The following SYT2 variants were observed in gnomAD, a reference collection of about 807,000 sequenced individuals.
SYT2 encodes synaptotagmin-2.
In SYT2, 15 loss-of-function variants were observed where a neutral mutation model predicts 39.9. That is an observed-to-expected ratio of 0.38 (90% CI 0.25 to 0.58). SYT2 has a LOEUF of 0.58. Among genes scored for constraint, SYT2 ranks in the 20% least tolerant of loss-of-function variants. SYT2 has a pLI of 0.70. For missense variants in SYT2, 389 were observed against 530.3 expected (o/e 0.73, Z 2.62); for synonymous variants, 181 against 204.5 (o/e 0.89, Z 0.98).
intron 3 of SYT2, chr1:202,604,219 G>A (rs1027887122): frequency 6.1e-6 from 3 of 492,062 alleles, no homozygotes; most frequent in Non-Finnish European, 1.1e-5. Context: ...TCAATATATT[G>A]TTCTCCTTCA....
intron 1 of SYT2, among the ~76,000 whole-genome samples, chr1:202,663,931 C>A (rs1427738508): frequency 6.6e-6 from 1 of 152,148 alleles, no homozygotes; most frequent in African/African-American, 2.4e-5. Flanking sequence ...GTTCCTCCCC[C>A]AGATGTAAGG....
At chr1:202,644,863 C>T (rs149203562) in intron 1 of SYT2, among the ~76,000 whole-genome samples, 1 of 150,016 alleles carries the variant, frequency 6.7e-6, no homozygotes, top group Non-Finnish European at 1.5e-5. Flanking sequence ...AGGACATAGA[C>T]CTCACTCCCG....
rs759879778 is a variant in SYT2, at chr1:202,596,977, G to A, written c.1054-14C>T. ...TACCTGGACTTTCTGCAAGGAAAAC[G>A]AGGGAGGGAGTTGGCAGACAGAGAC... On this transcript the variant is annotated splice_polypyrimidine_tract_variant and intron_variant, in intron 8 of 8. Coordinates refer to ENST00000367268, the MANE Select transcript of SYT2 (RefSeq NM_177402.5). The A allele has an allele frequency of 1.6e-5, 25 of 1,609,872 alleles. No individual in the cohort carries two copies. In the African/African-American group the frequency reaches 2.7e-4, roughly 17 times the overall value.
intron 1 of SYT2, among the ~76,000 whole-genome samples, chr1:202,695,337 G>C (rs1653946673): frequency 6.6e-6 from 1 of 152,112 alleles, no homozygotes; most frequent in African/African-American, 2.4e-5. Context: ...AACTGCCTCA[G>C]GGCCTCCTGA....
chr1:202,607,201 C>T (rs1334296320), intron 1 of SYT2, among the ~76,000 whole-genome samples: 2 of 152,160 alleles, frequency 1.3e-5, no homozygotes, highest in African/African-American at 4.8e-5. Context: ...CCCATGAGGG[C>T]AGATCCTGTG....
chr1:202,604,623 T>C lies in SYT2; in HGVS notation c.179-2A>G, dbSNP rs2149071078. 6.2e-7 allele frequency: 1 copy of C among 1,613,752 alleles called. No homozygotes were observed. The stretch of plus-strand genomic sequence containing the variant: ...TGGCGATCAGTGCCCAGGGTGGTAC[T>C]GCCCACACAGAGAAGATCCCAGGGT... On this transcript the variant is annotated splice_acceptor_variant, in intron 2 of 8. Coordinates refer to ENST00000367268, the MANE Select transcript of SYT2 (RefSeq NM_177402.5). LOFTEE classifies it high-confidence loss of function.
At chr1:202,637,850 C>T (rs745830671) in intron 1 of SYT2, among the ~76,000 whole-genome samples, 4 of 152,214 alleles carry the variant, frequency 2.6e-5, no homozygotes, top group East Asian at 1.9e-4. Flanking sequence ...TTGGTGGCTG[C>T]GGGACCAGGT....
intron 1 of SYT2, among the ~76,000 whole-genome samples, chr1:202,670,226 T>C (rs545174018): frequency 1.3e-5 from 2 of 152,158 alleles, no homozygotes; most frequent in Non-Finnish European, 2.9e-5. Flanking sequence ...TGACCCGGCC[T>C]CACAGGAGCA....
At chr1:202,678,558 T>C (rs565942909) in intron 1 of SYT2, among the ~76,000 whole-genome samples, 3 of 152,084 alleles carry the variant, frequency 2.0e-5, no homozygotes, top group Non-Finnish European at 4.4e-5. Flanking sequence ...TTAATGTTCA[T>C]GTCCCTCCCT....
chr1:202,683,620 G>A (rs1350738232), intron 1 of SYT2, among the ~76,000 whole-genome samples: 1 of 151,926 alleles, frequency 6.6e-6, no homozygotes, highest in East Asian at 1.9e-4. Context: ...GCATGCCTGT[G>A]GTCCCAGCTA....
At chr1:202,694,497 G>T (rs1159874007) in intron 1 of SYT2, among the ~76,000 whole-genome samples, 1 of 152,020 alleles carries the variant, frequency 6.6e-6, no homozygotes, top group Non-Finnish European at 1.5e-5. Flanking sequence ...ACGTGGTGAG[G>T]GACACCTGCC....
At chr1:202,640,660 G>T (rs1020139425) in intron 1 of SYT2, among the ~76,000 whole-genome samples, 1 of 151,786 alleles carries the variant, frequency 6.6e-6, no homozygotes, top group Non-Finnish European at 1.5e-5. Context: ...AGGAAAACTG[G>T]TGTGAGATTA....
intron 1 of SYT2, among the ~76,000 whole-genome samples, chr1:202,642,825 C>T (rs1355275752): frequency 6.6e-6 from 1 of 152,230 alleles, no homozygotes; most frequent in South Asian, 2.1e-4. Context: ...CCACTTCTCT[C>T]CGCACGCCCA....
chr1:202,601,867 C>T lies in SYT2; in HGVS notation c.801+23G>A, dbSNP rs369151737. 112 of 1,608,126 alleles carry T rather than the reference C, an allele frequency of 7.0e-5. 6 individuals are homozygous for T. The highest frequency in any genetic ancestry group is 4.2e-6 in the Non-Finnish European group (5 of 1,176,688). On this transcript the variant is annotated intron_variant, in intron 6 of 8. Transcript: ENST00000367268. This position sits in a 1 kb window ranked among gnomAD's most constrained non-coding sequence, Gnocchi z 4.0. ...CCTGTACATTCGTCTTTCTGCCCAA[C>T]CTGGCCTCATCTCTGCTCTTACCTC...
At chr1:202,687,440 G>A (rs557379721) in intron 1 of SYT2, among the ~76,000 whole-genome samples, 8 of 152,190 alleles carry the variant, frequency 5.3e-5, no homozygotes, top group South Asian at 2.1e-4. Context: ...TTGACTCCAC[G>A]GGGCCACTCT....
chr1:202,682,866 G>A (rs1355789850), intron 1 of SYT2, among the ~76,000 whole-genome samples: 1 of 152,170 alleles, frequency 6.6e-6, no homozygotes, highest in East Asian at 1.9e-4. Context: ...CCATGCCTGG[G>A]CCTTCAACAG....
In SYT2 at chr1:202,656,649, G is replaced by T. The variant is rs144411157; in HGVS notation, c.-17-50860C>A. Among the ~76,000 whole-genome samples, 372 of 152,344 alleles carry T rather than the reference G, an allele frequency of 2.4e-3. 3 individuals carry two copies. The highest frequency in any genetic ancestry group is 8.6e-3 in the African/African-American group (358 of 41,566). ...ATGAGCTGGACCACATGTTAACTTT[G>T]ACATACCACACATATGTGGAGGGCC... On this transcript the variant is annotated intron_variant, in intron 1 of 8. Transcript: ENST00000367268.
intron 1 of SYT2, chr1:202,643,576 G>A (rs2149098695): frequency 1.3e-5 from 2 of 152,160 alleles, no homozygotes; most frequent in Non-Finnish European, 2.9e-5. Context: ...GGCGATCCCC[G>A]CAAACCACGA....
Position 202,637,613 on chromosome 1 carries a change from C to T in SYT2, c.-17-31824G>A, listed in dbSNP as rs370644135. Among the ~76,000 whole-genome samples the T allele has an allele frequency of 9.2e-5, 14 of 152,254 alleles. No homozygotes were observed. In the South Asian group the frequency reaches 1.7e-3, roughly 18 times the overall value. On this transcript the variant is annotated intron_variant, in intron 1 of 8. Coordinates refer to ENST00000367268, the MANE Select transcript of SYT2 (RefSeq NM_177402.5). ...AGGCAGGCTTGGAGCTGGCAGGCTC[C>T]GTCTGCCCCACTGTGAGCAGCAGCT...
Sources: gnomAD v4.1 joint callset for allele counts (sites outside exome capture counted in the v4.1 genomes callset) on GRCh38, gnomAD v4.1.1 for gene constraint, Gnocchi (gnomAD v3.1) non-coding constraint, MANE v1.5 for transcripts, NCBI Gene and HGNC (gene_info 2026-07-23, HGNC 2026-07-21) for gene names.